TFEC: variants seen among roughly 807,000 people sequenced by gnomAD.
TFEC encodes the protein transcription factor EC.
Under a neutral mutation model 41.6 loss-of-function variants are expected in TFEC, and 31 were observed. The ratio of observed to expected loss-of-function variants is 0.74; its 90% CI spans 0.56 to 1.01. The LOEUF (loss-of-function observed/expected upper bound fraction) is 1.01. Among genes scored for constraint, TFEC ranks in the 50% least tolerant of loss-of-function variants. TFEC has a pLI of 0.00. For synonymous variants in TFEC, 143 were observed against 140.6 expected (o/e 1.02, Z -0.12); for missense variants, 402 against 404.1 (o/e 0.99, Z 0.04).
In TFEC at chr7:115,984,393, G is replaced by A; in HGVS notation, c.49C>T (p.Pro17Ser). 2 of 1,614,160 alleles carry A rather than the reference G, an allele frequency of 1.2e-6. No individual in the cohort carries two copies. Among genetic ancestry groups the A allele is most frequent in the Non-Finnish European group, 1.7e-6 (2 of 1,179,994 alleles). Residue 17 changes from proline (P) to serine (S), a missense_variant, in exon 2 of 8, where the codon CCT becomes TCT. Pro to Ser is a moderately conservative substitution (Grantham distance 74). Coordinates refer to ENST00000265440, the MANE Select transcript of TFEC (RefSeq NM_012252.4). Reference sequence around the variant, plus strand: ...AGAGGCCCACCACTTGGCACTGCAGGTTGTGACCATTTAAGAGTTGGATTG... The same window carrying A: ...AGAGGCCCACCACTTGGCACTGCAGATTGTGACCATTTAAGAGTTGGATTG... ...IINPTLKWSQ[P>S]AVPSGGPLVQ... is the part of the protein sequence containing the mutation.
At chr7:115,962,144 G>A (rs991365814) in intron 3 of TFEC, among the ~76,000 whole-genome samples, 3 of 151,538 alleles carry the variant, frequency 2.0e-5, no homozygotes, top group Admixed American at 6.6e-5. Flanking sequence ...CCCGAGAAGC[G>A]AAAGGCTTAT....
At chr7:116,009,777 C>A (rs563648710) in intron 1 of TFEC, among the ~76,000 whole-genome samples, 1 of 152,096 alleles carries the variant, frequency 6.6e-6, no homozygotes, top group African/African-American at 2.4e-5. Flanking sequence ...CTTGAGTGGG[C>A]AGAGTGGTAG....
chr7:115,936,046 CAGAG>C lies in TFEC; in HGVS notation c.*4501_*4504del, dbSNP rs1340206750. On this transcript the variant is annotated 3_prime_UTR_variant, in exon 8 of 8. Coordinates refer to ENST00000265440, the MANE Select transcript of TFEC (RefSeq NM_012252.4). ...TATACATTCAAATCTCTATGGACCT[CAGAG>C]GGAAAATGTAGCACTGAAAATTTTA... 1 of 151,482 alleles carries C rather than the reference CAGAG, an allele frequency of 6.6e-6. No homozygotes were observed. Among genetic ancestry groups the C allele is most frequent in the Non-Finnish European group, 1.5e-5 (1 of 67,580 alleles). The allele number at this position is 151,482 out of a possible 1,614,324, so 9.4% of individuals were successfully genotyped here.
chr7:115,995,744 C>T (rs1053678000), intron 1 of TFEC, among the ~76,000 whole-genome samples: 10 of 152,152 alleles, frequency 6.6e-5, no homozygotes, highest in Middle Eastern at 3.2e-3. Context: ...AACCCTGACA[C>T]GGCTCGGAGA....
chr7:116,149,387 A>G (rs4730713), intron 1 of TFEC, among the ~76,000 whole-genome samples: 23,730 of 152,128 alleles, frequency 0.16, 1,989 homozygotes, highest in East Asian at 0.33. Context: ...ATCACCAAAG[A>G]CATAAACTAT....
At chr7:116,037,273 G>A (rs1795932084) in intron 3 of TFEC, among the ~76,000 whole-genome samples, 1 of 151,968 alleles carries the variant, frequency 6.6e-6, no homozygotes, top group South Asian at 2.1e-4. Flanking sequence ...CCAGTTAAAG[G>A]CAATCATTAT....
At chr7:115,962,893 T>A (rs528330072) in intron 3 of TFEC, among the ~76,000 whole-genome samples, 3 of 151,956 alleles carry the variant, frequency 2.0e-5, no homozygotes, top group Non-Finnish European at 4.4e-5. Flanking sequence ...AGGGTACATA[T>A]GCACAACGTG....
intron 1 of TFEC, among the ~76,000 whole-genome samples, chr7:116,028,512 A>AC (rs1795668358): frequency 1.3e-5 from 2 of 151,984 alleles, no homozygotes; most frequent in African/African-American, 4.8e-5. Flanking sequence ...CTTAGTAAAC[A>AC]CCCCCAGTAA....
intron 1 of TFEC, among the ~76,000 whole-genome samples, chr7:116,140,973 C>G (rs764314794): frequency 3.9e-5 from 6 of 152,150 alleles, no homozygotes; most frequent in Admixed American, 1.3e-4. Context: ...ATCTATAATA[C>G]AATTATTTTG....
Position 116,030,697 on chromosome 7 carries a change from T to C in TFEC, c.-137A>G. The stretch of plus-strand genomic sequence containing the variant: ...AACAGCACCAAATTATAATCCCTCT[T>C]CCCATAACATATGCACCATGCCAGA... On this transcript the variant is annotated 5_prime_UTR_variant, in exon 1 of 8. Transcript: ENST00000265440. The C allele has an allele frequency of 2.0e-6, 2 of 985,390 alleles. No individual in the cohort carries two copies. Among genetic ancestry groups the C allele is most frequent in the Non-Finnish European group, 2.4e-6 (2 of 829,936 alleles). 61.0% of individuals were successfully genotyped at this position (985,390 alleles called of 1,614,324 possible). A position where few individuals can be genotyped will look rare whatever the true frequency, so the allele number is the denominator to read the frequency against.
At chr7:116,053,733 T>C (rs779109013) in intron 3 of TFEC, among the ~76,000 whole-genome samples, 23 of 152,212 alleles carry the variant, frequency 1.5e-4, no homozygotes, top group Non-Finnish European at 3.1e-4. Context: ...CTGGACTCTC[T>C]AGAAATTTCC....
chr7:116,039,878 T>C (rs368227065), intron 3 of TFEC, among the ~76,000 whole-genome samples: 1 of 152,158 alleles, frequency 6.6e-6, no homozygotes, highest in Non-Finnish European at 1.5e-5. Context: ...TTTGAATTTA[T>C]AATTTTTGGT....
At chr7:116,043,887 T>G (rs1796098044) in intron 3 of TFEC, among the ~76,000 whole-genome samples, 1 of 152,180 alleles carries the variant, frequency 6.6e-6, no homozygotes, top group African/African-American at 2.4e-5. Flanking sequence ...TGAGGTAGAT[T>G]GTGTAGGTGA....
chr7:116,055,695 T>A (rs1257479777), intron 3 of TFEC, among the ~76,000 whole-genome samples: 3 of 152,068 alleles, frequency 2.0e-5, no homozygotes, highest in Admixed American at 6.5e-5. Flanking sequence ...ATCATCTCAA[T>A]GATTGCCACA....
intron 3 of TFEC, among the ~76,000 whole-genome samples, chr7:116,063,560 A>C (rs1796620933): frequency 1.3e-5 from 2 of 152,206 alleles, no homozygotes. Flanking sequence ...TGGAGGTTGC[A>C]GTGAGCCAAG....
At chr7:116,006,804 G>A (rs1185784992) in intron 1 of TFEC, among the ~76,000 whole-genome samples, 1 of 152,110 alleles carries the variant, frequency 6.6e-6, no homozygotes, top group Non-Finnish European at 1.5e-5. Flanking sequence ...ACATGTTGTG[G>A]GAGGAACCTG....
At chr7:116,048,316 C>A (rs7794908) in intron 3 of TFEC, among the ~76,000 whole-genome samples, 90,959 of 152,178 alleles carry the variant, frequency 0.6, 27,480 homozygotes, top group East Asian at 0.74. Context: ...ACCATGGCAC[C>A]AGAACTACGT....
At chr7:116,006,631 G>C (rs1331682617) in intron 1 of TFEC, among the ~76,000 whole-genome samples, 2 of 152,128 alleles carry the variant, frequency 1.3e-5, no homozygotes, top group Non-Finnish European at 2.9e-5. Context: ...ATGGGACTTT[G>C]GACTGTGGAC....
chr7:116,122,889 G>A (rs997425145), intron 1 of TFEC, among the ~76,000 whole-genome samples: 1 of 152,056 alleles, frequency 6.6e-6, no homozygotes, highest in African/African-American at 2.4e-5. Flanking sequence ...TGTCAGCTAT[G>A]TAATAGATGC....
Sources: allele counts gnomAD v4.1 joint callset (sites outside exome capture counted in the v4.1 genomes callset), GRCh38; gene constraint gnomAD v4.1.1; transcripts MANE v1.5; gene names NCBI Gene and HGNC (gene_info 2026-07-23, HGNC 2026-07-21).